Variants in ZNF793 observed in about 807,000 individuals in gnomAD.
ZNF793 encodes zinc finger protein 793.
In ZNF793, 5 loss-of-function variants were observed where a neutral mutation model predicts 12.4. The ratio of observed to expected loss-of-function variants is 0.40; its 90% CI spans 0.21 to 0.84. The LOEUF (loss-of-function observed/expected upper bound fraction) is 0.84. Ranked by LOEUF, ZNF793 falls within the 40% of genes least tolerant of loss-of-function variation. The probability of loss-of-function intolerance (pLI) is 0.35; values close to 1 mark genes in which losing one functional copy is unlikely to be tolerated. For missense variants in ZNF793, 456 were observed against 495.0 expected (o/e 0.92, Z 0.75); for synonymous variants, 162 against 172.4 (o/e 0.94, Z 0.47).
intron 5 of ZNF793, among the ~76,000 whole-genome samples, chr19:37,524,990 C>G (rs555912537): frequency 6.6e-6 from 1 of 152,262 alleles, no homozygotes; most frequent in East Asian, 1.9e-4. Flanking sequence ...TGCTAGCTCC[C>G]CAATGATACG....
intron 5 of ZNF793, among the ~76,000 whole-genome samples, chr19:37,524,779 G>A (rs2042400883): frequency 6.6e-6 from 1 of 152,220 alleles, no homozygotes; most frequent in Non-Finnish European, 1.5e-5. Flanking sequence ...TGATTTGTAG[G>A]TGTAGCCTGG....
intron 2 of ZNF793, among the ~76,000 whole-genome samples, chr19:37,515,081 C>G (rs1402949792): frequency 6.6e-6 from 1 of 152,162 alleles, no homozygotes; most frequent in Non-Finnish European, 1.5e-5. Context: ...CCCTTCCCTG[C>G]TTTGATTTGC....
chr19:37,514,574 A>G (rs2042316171), intron 2 of ZNF793, among the ~76,000 whole-genome samples: 1 of 133,552 alleles, frequency 7.5e-6, no homozygotes, highest in Non-Finnish European at 1.6e-5. Context: ...AGATAGATAG[A>G]CAGATAGATA....
Position 37,532,357 on chromosome 19 carries a change from T to TA in ZNF793, c.18dup (p.Pro7ThrfsTer36), listed in dbSNP as rs778731114. 2.7e-4 allele frequency: 439 copies of TA among 1,613,504 alleles called. 1 individual carries two copies. The highest frequency in any genetic ancestry group is 3.4e-4 in the Non-Finnish European group (401 of 1,179,716). ...TCAATGTCATTTTTGTTTCAACAGA[T>TA]ACCTGTGTCATTCAAAGATGTGGTT... On this transcript the variant is annotated frameshift_variant and splice_region_variant, in exon 6 of 8. Coordinates refer to ENST00000627814, the MANE Select transcript of ZNF793 (RefSeq NM_001013659.3). LOFTEE classifies it high-confidence loss of function.
chr19:37,535,988 A>T (rs2042501627), intron 7 of ZNF793: 1 of 153,704 alleles, frequency 6.5e-6, no homozygotes, highest in Non-Finnish European at 1.4e-5. Flanking sequence ...ACTAGTATCA[A>T]GTCACAGGAA....
At position 37,537,951 on chromosome 19, in the gene ZNF793, A is replaced by T. The variant is rs372339543; in HGVS notation, c.*72A>T. On this transcript the variant is annotated 3_prime_UTR_variant, in exon 8 of 8. Transcript: ENST00000627814. Reference sequence around the variant, plus strand: ...TTTTGAGTTGGAATCTCACTTTGTCACCCAGGCTGGAGTGCAGTGGCGCGA... The same window carrying T: ...TTTTGAGTTGGAATCTCACTTTGTCTCCCAGGCTGGAGTGCAGTGGCGCGA... The T allele has an allele frequency of 6.3e-6, 9 of 1,436,000 alleles. No individual in the cohort carries two copies. In the Admixed American group the frequency reaches 8.3e-5, roughly 13 times the overall value. The allele number at this position is 1,436,000 out of a possible 1,614,324, so 89.0% of individuals were successfully genotyped here.
chr19:37,519,669 A>C (rs778715664), intron 2 of ZNF793, among the ~76,000 whole-genome samples: 1 of 152,262 alleles, frequency 6.6e-6, no homozygotes, highest in Non-Finnish European at 1.5e-5. Context: ...AGTTAAGAGC[A>C]TAAACAGATT....
Position 37,537,334 on chromosome 19 carries a change from C to A in ZNF793, c.676C>A (p.Pro226Thr), listed in dbSNP as rs2042514519. The A allele has an allele frequency of 1.9e-6, 3 of 1,613,332 alleles. No individual in the cohort carries two copies. Among genetic ancestry groups the A allele is most frequent in the African/African-American group, 1.3e-5 (1 of 74,892 alleles). The change falls in exon 8 of 8, where the codon CCC becomes ACC. Residue 226 changes from proline (P) to threonine (T), a missense_variant. Transcript: ENST00000627814. ...KRKRVPPTEKPHVCSECGKAF... is the reference protein window; with the variant it reads ...KRKRVPPTEKTHVCSECGKAF... ...GAAGAGGGTTCCACCTACAGAAAAA[C>A]CCCACGTCTGTAGTGAGTGTGGGAA...
rs1418932877 is a variant in ZNF793 at position 37,537,709 on chromosome 19, A to G, written c.1051A>G (p.Lys351Glu). The change falls in exon 8 of 8, where the codon AAG (lysine) becomes GAG (glutamate). Residue 351 changes from lysine to glutamate, a missense_variant. Coordinates refer to ENST00000627814, the MANE Select transcript of ZNF793 (RefSeq NM_001013659.3). ...AGAATGTGGAAAATCCTTCAGCCAG[A>G]AGTCATGCCTCAATAAACATTGGAG... ...CRECGKSFSQKSCLNKHWRTH... is the reference protein window; with the variant it reads ...CRECGKSFSQESCLNKHWRTH... 1 of 1,613,606 alleles carries G rather than the reference A, an allele frequency of 6.2e-7. No homozygotes were observed. Among genetic ancestry groups the G allele is most frequent in the African/African-American group, 1.3e-5 (1 of 74,882 alleles).
chr19:37,524,127 G>A (rs1400710805), intron 5 of ZNF793, among the ~76,000 whole-genome samples: 1 of 148,256 alleles, frequency 6.7e-6, no homozygotes, highest in African/African-American at 2.5e-5. Flanking sequence ...TCCAGCCTGG[G>A]CAACAAGAGC....
chr19:37,539,535 A>G lies in ZNF793; in HGVS notation c.*1656A>G, dbSNP rs1437387874. On this transcript the variant is annotated 3_prime_UTR_variant, in exon 8 of 8. Coordinates refer to ENST00000627814, the MANE Select transcript of ZNF793 (RefSeq NM_001013659.3). ...GCTTCCCTGAGTTGCTATGTCATCC[A>G]TATTAGAAAATAAATGGCCATGTGG... 6.6e-6 allele frequency: 1 copy of G among 152,220 alleles called. No homozygotes were observed. Among genetic ancestry groups the G allele is most frequent in the Non-Finnish European group, 1.5e-5 (1 of 68,038 alleles). The allele number at this position is 152,220 out of a possible 1,614,324, so 9.4% of individuals were successfully genotyped here.
rs2042533057 is a variant in ZNF793, at chr19:37,538,892, C to A, written c.*1013C>A. On this transcript the variant is annotated 3_prime_UTR_variant, in exon 8 of 8. Coordinates refer to ENST00000627814, the MANE Select transcript of ZNF793 (RefSeq NM_001013659.3). ...ACATGTCACACAACATATAGAATGC[C>A]ATTCAGAAAACTTTTCCACTTTAAA... 6.6e-6 allele frequency: 1 copy of A among 152,088 alleles called. No homozygotes were observed. The highest frequency in any genetic ancestry group is 1.5e-5 in the Non-Finnish European group (1 of 68,012). 9.4% of individuals were successfully genotyped at this position (152,088 alleles called of 1,614,324 possible). A position where few individuals can be genotyped will look rare whatever the true frequency, so the allele number is the denominator to read the frequency against.
intron 6 of ZNF793, among the ~76,000 whole-genome samples, chr19:37,532,835 A>G (rs933077641): frequency 4.6e-5 from 7 of 152,170 alleles, no homozygotes; most frequent in Non-Finnish European, 1.0e-4. Flanking sequence ...AAAAAATAAA[A>G]AAAAAGCAAC....
intron 2 of ZNF793, among the ~76,000 whole-genome samples, chr19:37,510,858 A>G (rs369819674): frequency 2.0e-4 from 31 of 151,732 alleles, no homozygotes; most frequent in Middle Eastern, 3.4e-3. Flanking sequence ...GACCACGCCC[A>G]GCTACTTTTT....
intron 5 of ZNF793, among the ~76,000 whole-genome samples, chr19:37,528,639 A>C (rs1031383983): frequency 1.3e-5 from 2 of 152,120 alleles, no homozygotes; most frequent in Non-Finnish European, 2.9e-5. Flanking sequence ...GCTGGTACCC[A>C]TGGGTCTCCC....
Position 37,541,267 on chromosome 19 carries a change from C to T in ZNF793, c.*3388C>T, listed in dbSNP as rs368947963. 3.3e-5 allele frequency: 5 copies of T among 151,970 alleles called. No individual in the cohort carries two copies. Among genetic ancestry groups the T allele is most frequent in the Admixed American group, 6.6e-5 (1 of 15,260 alleles). The allele number at this position is 151,970 out of a possible 1,614,324, so 9.4% of individuals were successfully genotyped here. ...AAATAAATTCTGGGTGGCTTTAAGA[C>T]GTAAAATTTTAAAGCAACAGAATTC... On this transcript the variant is annotated 3_prime_UTR_variant, in exon 8 of 8. Coordinates refer to ENST00000627814, the MANE Select transcript of ZNF793 (RefSeq NM_001013659.3).
intron 2 of ZNF793, among the ~76,000 whole-genome samples, chr19:37,511,976 G>A (rs2042297612): frequency 6.6e-6 from 1 of 151,934 alleles, no homozygotes; most frequent in Non-Finnish European, 1.5e-5. Flanking sequence ...GGCTGCTTGA[G>A]GGCCAAGACA....
intron 2 of ZNF793, 55 bp from the exon 3 acceptor site, chr19:37,520,129 C>T: frequency 6.5e-6 from 1 of 152,784 alleles, no homozygotes; most frequent in Non-Finnish European, 1.5e-5. Flanking sequence ...AGGCCCCAGG[C>T]AGTGTTTGGG....
At chr19:37,534,731 G>C (rs1196363312) in intron 7 of ZNF793, 1 of 151,660 alleles carries the variant, frequency 6.6e-6, no homozygotes, top group Non-Finnish European at 1.5e-5. Flanking sequence ...ACCCAGGCTG[G>C]AGTGCAGTGG....
Sources: allele counts gnomAD v4.1 joint callset (sites outside exome capture counted in the v4.1 genomes callset), GRCh38; gene constraint gnomAD v4.1.1; transcripts MANE v1.5; gene names NCBI Gene and HGNC (gene_info 2026-07-23, HGNC 2026-07-21).